Variants in PTPRM observed in about 807,000 individuals in gnomAD.
PTPRM encodes protein tyrosine phosphatase receptor type M.
A neutral mutation model predicts 186.7 loss-of-function variants in PTPRM; 47 were observed. That is an observed-to-expected ratio of 0.25 (90% CI 0.20 to 0.32). PTPRM has a LOEUF of 0.32. PTPRM is among the 10% of genes least tolerant of loss of function. PTPRM has a pLI of 1.00. For missense variants in PTPRM, 1,494 were observed against 1,865.0 expected (o/e 0.80, Z 3.66); for synonymous variants, 668 against 674.9 (o/e 0.99, Z 0.16).
intron 1 of PTPRM, among the ~76,000 whole-genome samples, chr18:7,734,540 A>T (rs954471251): frequency 5.3e-5 from 8 of 152,146 alleles, no homozygotes; most frequent in Non-Finnish European, 7.4e-5. Flanking sequence ...CATTTTTGGG[A>T]GAGGGAAGGC....
chr18:8,325,710 G>T (rs2095371538), intron 22 of PTPRM, among the ~76,000 whole-genome samples: 2 of 152,130 alleles, frequency 1.3e-5, no homozygotes, highest in Admixed American at 1.3e-4. Flanking sequence ...TGGGATTGCT[G>T]GGTCAAGTGG....
intron 2 of PTPRM, among the ~76,000 whole-genome samples, chr18:7,775,496 G>A (rs1478379870): frequency 6.6e-6 from 1 of 152,058 alleles, no homozygotes; most frequent in Non-Finnish European, 1.5e-5. Flanking sequence ...CTCCTGTGGG[G>A]CCGTCGTTTC....
intron 4 of PTPRM, among the ~76,000 whole-genome samples, chr18:7,914,227 T>G (rs528553342): frequency 6.6e-6 from 1 of 152,266 alleles, no homozygotes; most frequent in African/African-American, 2.4e-5. Context: ...TTTAAACATG[T>G]GGGAACACAA....
chr18:8,017,918 G>A (rs758959421), intron 7 of PTPRM: 10 of 152,152 alleles, frequency 6.6e-5, no homozygotes, highest in Non-Finnish European at 1.5e-5. Flanking sequence ...ACCTCGCAAG[G>A]AGCTTACAGC....
intron 1 of PTPRM, among the ~76,000 whole-genome samples, chr18:7,666,697 G>A (rs1257969345): frequency 2.0e-5 from 3 of 152,082 alleles, no homozygotes; most frequent in Admixed American, 2.0e-4. Context: ...TGCTGTTTTT[G>A]TCTAAACATT....
intron 1 of PTPRM, among the ~76,000 whole-genome samples, chr18:7,659,155 C>CACACACAA (rs1305244376): frequency 1.4e-4 from 21 of 147,310 alleles, no homozygotes; most frequent in African/African-American, 5.1e-4. Flanking sequence ...CACACACACA[C>CACACACAA]AATCTCCCTT....
intron 1 of PTPRM, among the ~76,000 whole-genome samples, chr18:7,659,117 T>TACAC (rs10541547): frequency 0.078 from 11,260 of 143,844 alleles, 479 homozygotes; most frequent in East Asian, 0.16. Context: ...CACATGTATG[T>TACAC]ACACACACAC....
At chr18:8,054,336 G>T (rs2087755062) in intron 7 of PTPRM, among the ~76,000 whole-genome samples, 1 of 126,590 alleles carries the variant, frequency 7.9e-6, no homozygotes, top group African/African-American at 3.9e-5. Flanking sequence ...TACTACTAGT[G>T]GTAGACTTCT....
intron 2 of PTPRM, among the ~76,000 whole-genome samples, chr18:7,843,721 A>G (rs2046459439): frequency 2.0e-5 from 3 of 152,174 alleles, no homozygotes; most frequent in South Asian, 4.1e-4. Context: ...TTTGTCATCT[A>G]TTGCTGCATG....
chr18:7,600,985 A>G (rs1567976338), intron 1 of PTPRM, among the ~76,000 whole-genome samples: 1 of 152,132 alleles, frequency 6.6e-6, no homozygotes, highest in Non-Finnish European at 1.5e-5. Context: ...GGAGAAGACA[A>G]CAATTCTCCA....
chr18:8,253,509 C>G, intron 19 of PTPRM, 95 bp downstream of exon 19: 1 of 1,169,920 alleles, frequency 8.5e-7, no homozygotes, highest in Non-Finnish European at 1.1e-6. Context: ...CAGAGAAAAC[C>G]CCCTGCCCCG....
chr18:8,288,845 T>C lies in PTPRM; in HGVS notation c.2755-7523T>C, dbSNP rs184632825. Among the ~76,000 whole-genome samples, 12 of 152,294 alleles carry C rather than the reference T, an allele frequency of 7.9e-5. No individual in the cohort carries two copies. In the East Asian group the frequency reaches 1.9e-3, roughly 24 times the overall value. ...AAATTTGAAGAGAAAGAAAGGCAAC[T>C]TGATTGAGGGGCCCTCCAGGGTGTT... On this transcript the variant is annotated intron_variant, in intron 19 of 32. Coordinates refer to ENST00000580170, the MANE Select transcript of PTPRM (RefSeq NM_001105244.2).
intron 1 of PTPRM, among the ~76,000 whole-genome samples, chr18:7,757,440 A>G (rs1288392952): frequency 6.6e-6 from 1 of 152,194 alleles, no homozygotes; most frequent in African/African-American, 2.4e-5. Flanking sequence ...GGTCAGCTTC[A>G]CCTATGGAGA....
chr18:8,184,346 T>G (rs2146622073), intron 14 of PTPRM, among the ~76,000 whole-genome samples: 1 of 152,318 alleles, frequency 6.6e-6, no homozygotes. Flanking sequence ...AGGAAAGGGA[T>G]GTGCTGTTTT....
At chr18:7,938,011 T>C (rs1332072744) in intron 5 of PTPRM, among the ~76,000 whole-genome samples, 1 of 152,240 alleles carries the variant, frequency 6.6e-6, no homozygotes, top group African/African-American at 2.4e-5. Context: ...AGACCTAGAA[T>C]TGGCCATTTT....
At chr18:7,727,981 T>A (rs1479758070) in intron 1 of PTPRM, among the ~76,000 whole-genome samples, 1 of 152,174 alleles carries the variant, frequency 6.6e-6, no homozygotes, top group Non-Finnish European at 1.5e-5. Context: ...GGTAATTTGC[T>A]CAAGGTCACA....
intron 14 of PTPRM, among the ~76,000 whole-genome samples, chr18:8,167,801 G>C (rs1414384139): frequency 6.6e-6 from 1 of 152,260 alleles, no homozygotes; most frequent in East Asian, 1.9e-4. Flanking sequence ...AGCAGTTGGT[G>C]AAGATGAATG....
At chr18:8,293,439 G>A (rs2095062178) in intron 19 of PTPRM, among the ~76,000 whole-genome samples, 1 of 152,124 alleles carries the variant, frequency 6.6e-6, no homozygotes, top group Non-Finnish European at 1.5e-5. Context: ...GAAGGCTCAG[G>A]GAATCTAGGG....
intron 14 of PTPRM, among the ~76,000 whole-genome samples, chr18:8,211,399 T>TTTTG (rs1568530633): frequency 3.6e-5 from 5 of 140,542 alleles, no homozygotes; most frequent in African/African-American, 5.3e-5. Flanking sequence ...TTTTTTTTTT[T>TTTTG]TTTGTTTGTT....
Sources: allele counts gnomAD v4.1 joint callset (sites outside exome capture counted in the v4.1 genomes callset), GRCh38; gene constraint gnomAD v4.1.1; transcripts MANE v1.5; gene names NCBI Gene and HGNC (gene_info 2026-07-23, HGNC 2026-07-21).